DOCK6: variants seen among roughly 807,000 people sequenced by gnomAD.
DOCK6 encodes dedicator of cytokinesis protein 6.
Under a neutral mutation model 230.3 loss-of-function variants are expected in DOCK6, and 167 were observed. That is an observed-to-expected ratio of 0.73 (90% CI 0.64 to 0.82). The LOEUF is 0.82. Among genes scored for constraint, DOCK6 ranks in the 40% least tolerant of loss-of-function variants. DOCK6 has a pLI of 0.00. For synonymous variants in DOCK6, 1,148 were observed against 1,185.0 expected (o/e 0.97, Z 0.64); for missense variants, 2,598 against 2,825.8 (o/e 0.92, Z 1.83).
rs775647079 is a variant in DOCK6, at chr19:11,200,879, C to T, written c.5832+30G>A. The T allele has an allele frequency of 1.7e-5, 28 of 1,613,620 alleles. No homozygotes were observed. Among genetic ancestry groups the T allele is most frequent in the Admixed American group, 3.3e-5 (2 of 59,998 alleles). ...TGCATGGCACCTGGAGTCCCCCGTGCGGCTTGCATCCCCCTTCCACCAGCC... is the reference window on the plus strand; with the variant it reads ...TGCATGGCACCTGGAGTCCCCCGTGTGGCTTGCATCCCCCTTCCACCAGCC... On this transcript the variant is annotated intron_variant, in intron 45 of 47. Transcript: ENST00000294618. This position sits in a 1 kb window ranked among gnomAD's most constrained non-coding sequence, Gnocchi z 4.3.
In DOCK6 at chr19:11,201,065, G is replaced by A. The variant is rs1289441666; in HGVS notation, c.5689-13C>T. ...GCGTCAGCACCGTCTGTGGGGTAAG[G>A]GGAGGGGTGTGTACTCGCTGGGGCC... On this transcript the variant is annotated splice_polypyrimidine_tract_variant and intron_variant, in intron 44 of 47. Transcript: ENST00000294618. The surrounding 1 kb of genome is among the most constrained non-coding windows in gnomAD (Gnocchi z 4.3). 4 of 1,612,988 alleles carry A rather than the reference G, an allele frequency of 2.5e-6. No individual in the cohort carries two copies. The highest frequency in any genetic ancestry group is 3.4e-6 in the Non-Finnish European group (4 of 1,179,660).
chr19:11,199,367 G>T lies in DOCK6; in HGVS notation c.*130C>A. 8.8e-7 allele frequency: 1 copy of T among 1,135,614 alleles called. No homozygotes were observed. Among genetic ancestry groups the T allele is most frequent in the Non-Finnish European group, 1.3e-6 (1 of 775,308 alleles). 70.3% of individuals were successfully genotyped at this position (1,135,614 alleles called of 1,614,324 possible). A position where few individuals can be genotyped will look rare whatever the true frequency, so the allele number is the denominator to read the frequency against. On this transcript the variant is annotated 3_prime_UTR_variant, in exon 48 of 48. Transcript: ENST00000294618. Reference sequence around the variant, plus strand: ...GCACACAGATGGGGACACAGGGGCAGAGGGCCCAGCCCCAAGTACAGTGTG... The same window carrying T: ...GCACACAGATGGGGACACAGGGGCATAGGGCCCAGCCCCAAGTACAGTGTG...
chr19:11,245,590 G>C lies in DOCK6; in HGVS notation c.996C>G (p.Pro332=), dbSNP rs2080018951. ...TGATGACCAGGAAGATGTCAGGTGA[G>C]GGGTAGGTCACAGAGAAGATGGCAG... ...ARSAIFSVTY[P]SPDIFLVIKL... The change falls in exon 9 of 48, where the codon CCC becomes CCG. Residue 332 remains proline, a synonymous_variant. Coordinates refer to ENST00000294618, the MANE Select transcript of DOCK6 (RefSeq NM_020812.4). 1 of 1,566,622 alleles carries C rather than the reference G, an allele frequency of 6.4e-7. No homozygotes were observed. Among genetic ancestry groups the C allele is most frequent in the African/African-American group, 1.4e-5 (1 of 73,750 alleles).
intron 39 of DOCK6, among the ~76,000 whole-genome samples, chr19:11,204,666 C>T (rs1213240166): frequency 1.3e-5 from 2 of 152,022 alleles, no homozygotes; most frequent in Non-Finnish European, 1.5e-5. Context: ...TAGCCTCCCA[C>T]ATAGCTGGAA....
intron 28 of DOCK6, among the ~76,000 whole-genome samples, chr19:11,217,996 C>A (rs1318134211): frequency 6.6e-6 from 1 of 151,520 alleles, no homozygotes; most frequent in Admixed American, 6.6e-5. Flanking sequence ...TGATTACAGG[C>A]ACCCGCCACC....
chr19:11,213,796 ATT>A (rs763028538), intron 34 of DOCK6, among the ~76,000 whole-genome samples: 70 of 111,344 alleles, frequency 6.3e-4, no homozygotes, highest in Admixed American at 5.4e-4. Flanking sequence ...TCTGGCTAAC[ATT>A]TTTTTTTTTT....
At chr19:11,234,001 ATT>A (rs111453191) in intron 21 of DOCK6, among the ~76,000 whole-genome samples, 4 of 144,878 alleles carry the variant, frequency 2.8e-5, no homozygotes, top group Admixed American at 6.9e-5. Context: ...TGCTCAGCTA[ATT>A]TTTTTTTTTT....
chr19:11,237,540 C>A lies in DOCK6; in HGVS notation c.1989G>T (p.Gln663His), dbSNP rs766381099. The change falls in exon 18 of 48, where the codon CAG (glutamine) becomes CAT (histidine). Residue 663 changes from glutamine (Q) to histidine (H), a missense_variant. Coordinates refer to ENST00000294618, the MANE Select transcript of DOCK6 (RefSeq NM_020812.4). ...AGGGGCCGGTCCTCAGGCGCCCGTG[C>A]TGCAGCAGTGGGATCCACTGGGGAG... The part of the protein sequence containing the change: ...PVGFTWIPLL[Q>H]HGRLRTGPFC... The A allele has an allele frequency of 6.2e-7, 1 of 1,607,482 alleles. No individual in the cohort carries two copies. Among genetic ancestry groups the A allele is most frequent in the South Asian group, 1.1e-5 (1 of 90,828 alleles).
Position 11,243,535 on chromosome 19 carries a change from C to G in DOCK6, c.1258+22G>C. 6.3e-7 allele frequency: 1 copy of G among 1,580,428 alleles called. No individual in the cohort carries two copies. Among genetic ancestry groups the G allele is most frequent in the Non-Finnish European group, 8.6e-7 (1 of 1,165,236 alleles). On this transcript the variant is annotated intron_variant, in intron 11 of 47. Transcript: ENST00000294618. This position sits in a 1 kb window ranked among gnomAD's most constrained non-coding sequence, Gnocchi z 6.3. ...CACCACCCTTTAGCCCCGCCCCAAG[C>G]CTGTTAGCCCCGCCTCCTCACCGCC...
At chr19:11,232,390 CAT>C in intron 22 of DOCK6, 1 of 882,038 alleles carries the variant, frequency 1.1e-6, no homozygotes, top group South Asian at 1.5e-5. Context: ...CATGTGCCCA[CAT>C]GTGCACCTAC....
In DOCK6 at chr19:11,211,989, TCAC is replaced by T. The variant is rs1280482569; in HGVS notation, c.4650+1_4650+3del. 1 of 1,597,772 alleles carries T rather than the reference TCAC, an allele frequency of 6.3e-7. No individual in the cohort carries two copies. Among genetic ancestry groups the T allele is most frequent in the African/African-American group, 1.3e-5 (1 of 74,666 alleles). ...AGGCGGGGCGGGGACCCAGCAGGTGTCACCTGCTCTGCGAAGGTGCTGTCCCGC... is the reference window on the plus strand; with the variant it reads ...AGGCGGGGCGGGGACCCAGCAGGTGTCTGCTCTGCGAAGGTGCTGTCCCGC... On this transcript the variant is annotated splice_donor_variant and splice_donor_region_variant and intron_variant, in intron 36 of 47. Coordinates refer to ENST00000294618, the MANE Select transcript of DOCK6 (RefSeq NM_020812.4). LOFTEE classifies it high-confidence loss of function.
chr19:11,228,783 C>T (rs948224269), intron 23 of DOCK6, 157 bp downstream of exon 23: 7 of 607,838 alleles, frequency 1.2e-5, no homozygotes, highest in African/African-American at 3.7e-5. Context: ...AGGATGGTCT[C>T]GATCTCCTGA....
chr19:11,259,660 C>T (rs1391456782), intron 1 of DOCK6, among the ~76,000 whole-genome samples: 4 of 138,870 alleles, frequency 2.9e-5, no homozygotes, highest in Non-Finnish European at 4.6e-5. Flanking sequence ...CAGGTTCAAG[C>T]AATTCTCCTG....
chr19:11,199,634 C>T (rs1243190295), intron 47 of DOCK6, 95 bp from the exon 48 acceptor site: 3 of 1,334,018 alleles, frequency 2.2e-6, no homozygotes, highest in Non-Finnish European at 3.2e-6. Flanking sequence ...TCCTCGTCTT[C>T]CTCCAAGGAT....
Position 11,243,737 on chromosome 19 carries a change from GCT to G in DOCK6, c.1105-29_1105-28del. On this transcript the variant is annotated intron_variant, in intron 10 of 47. Transcript: ENST00000294618. This position sits in a 1 kb window ranked among gnomAD's most constrained non-coding sequence, Gnocchi z 6.3. ...TGTGGGGAGACCCCGTCCCCTGCCA[GCT>G]CAGCATCCTAGCCCTGCTGAGTCAG... The G allele has an allele frequency of 6.2e-7, 1 of 1,613,832 alleles. No homozygotes were observed. Among genetic ancestry groups the G allele is most frequent in the Non-Finnish European group, 8.5e-7 (1 of 1,179,798 alleles).
chr19:11,210,216 ACCCCTCACCTGTCCAT>A (rs1035199271), intron 37 of DOCK6, among the ~76,000 whole-genome samples: 1 of 78,810 alleles, frequency 1.3e-5, no homozygotes, highest in African/African-American at 5.3e-5. Flanking sequence ...TCATCTGTCC[ACCCCTCACCTGTCCAT>A]CCCCTCACTG....
intron 41 of DOCK6, chr19:11,203,602 T>TG (rs2079206782): frequency 6.0e-6 from 1 of 165,466 alleles, no homozygotes; most frequent in East Asian, 1.7e-4. Context: ...GAAGCGGGAT[T>TG]CGGGGGGGCT....
At chr19:11,232,834 G>C (rs1225279784) in intron 22 of DOCK6, among the ~76,000 whole-genome samples, 1 of 151,876 alleles carries the variant, frequency 6.6e-6, no homozygotes, top group Non-Finnish European at 1.5e-5. Flanking sequence ...TATATGCATG[G>C]GGTGAATGTG....
In DOCK6 at chr19:11,201,208, G is replaced by GT. The variant is rs2079163948; in HGVS notation, c.5689-157_5689-156insA. Among the ~76,000 whole-genome samples, 2 of 152,036 alleles carry GT rather than the reference G, an allele frequency of 1.3e-5. No individual in the cohort carries two copies. Among genetic ancestry groups the GT allele is most frequent in the African/African-American group, 4.8e-5 (2 of 41,392 alleles). On this transcript the variant is annotated intron_variant, in intron 44 of 47. Coordinates refer to ENST00000294618, the MANE Select transcript of DOCK6 (RefSeq NM_020812.4). The surrounding 1 kb of genome is among the most constrained non-coding windows in gnomAD (Gnocchi z 4.3). ...GGGCCTTCCTGGGTCTGACTCTGGGGGGGTCCAGCCTTGGGTCTGCTGGGT... is the reference window on the plus strand; with the variant it reads ...GGGCCTTCCTGGGTCTGACTCTGGGGTGGGTCCAGCCTTGGGTCTGCTGGGT...
Sources: gnomAD v4.1 joint callset for allele counts (sites outside exome capture counted in the v4.1 genomes callset) on GRCh38, gnomAD v4.1.1 for gene constraint, Gnocchi (gnomAD v3.1) non-coding constraint, MANE v1.5 for transcripts, NCBI Gene and HGNC (gene_info 2026-07-23, HGNC 2026-07-21) for gene names.